ARPC1A: variants seen among roughly 807,000 people sequenced by gnomAD.
ARPC1A encodes actin related protein 2/3 complex subunit 1A, also known as actin-related protein 2/3 complex subunit 1A.
A neutral mutation model predicts 46.9 loss-of-function variants in ARPC1A; 8 were observed. That is an observed-to-expected ratio of 0.17 (90% CI 0.10 to 0.31). ARPC1A has a LOEUF of 0.31. ARPC1A is among the 10% of genes least tolerant of loss of function. The pLI is 1.00. For missense variants in ARPC1A, 286 were observed against 483.6 expected (o/e 0.59, Z 3.83); for synonymous variants, 152 against 169.0 (o/e 0.90, Z 0.78).
chr7:99,335,537 A>G (rs1377616676), intron 2 of ARPC1A: 1 of 301,734 alleles, frequency 3.3e-6, no homozygotes, highest in Non-Finnish European at 6.6e-6. Context: ...TTTCAAGATT[A>G]TTTTGGTTAT....
chr7:99,344,242 A>T (rs769866952), intron 3 of ARPC1A, 51 bp from the exon 4 acceptor site: 1 of 1,577,394 alleles, frequency 6.3e-7, no homozygotes, highest in South Asian at 1.1e-5. Context: ...CCTGTGCCGC[A>T]GTTGTTTGTC....
At chr7:99,353,590 G>A (rs1299716966) in intron 5 of ARPC1A, among the ~76,000 whole-genome samples, 1 of 151,990 alleles carries the variant, frequency 6.6e-6, no homozygotes, top group Non-Finnish European at 1.5e-5. Context: ...CGATTCTCCT[G>A]ACTCAGCCTC....
chr7:99,336,954 T>C (rs995734988), intron 2 of ARPC1A, among the ~76,000 whole-genome samples: 1 of 151,732 alleles, frequency 6.6e-6, no homozygotes, highest in South Asian at 2.1e-4. Context: ...AGACCCTGTC[T>C]CTACTAAAAA....
rs190034667 is a variant in ARPC1A, at chr7:99,349,764, C to T, written c.500+805C>T. Among the ~76,000 whole-genome samples the T allele has an allele frequency of 2.5e-4, 38 of 151,980 alleles. No homozygotes were observed. The East Asian group carries it at 7.0e-3, about 28-fold the overall frequency. On this transcript the variant is annotated intron_variant, in intron 5 of 9. Coordinates refer to ENST00000262942, the MANE Select transcript of ARPC1A (RefSeq NM_006409.4). Reference sequence around the variant, plus strand: ...CTGAGGCAGGAGAATGGTGTGAACTCGGGAGGCGGAGCTTGCAGTGAGCCG... The same window carrying T: ...CTGAGGCAGGAGAATGGTGTGAACTTGGGAGGCGGAGCTTGCAGTGAGCCG...
intron 8 of ARPC1A, 94 bp downstream of exon 8, chr7:99,359,832 C>A: frequency 1.4e-6 from 2 of 1,380,106 alleles, no homozygotes; most frequent in African/African-American, 1.4e-5. Context: ...CTCTATGCCC[C>A]TCAGGCCCAG....
chr7:99,349,135 C>T (rs532761794), intron 5 of ARPC1A, among the ~76,000 whole-genome samples, 176 bp downstream of exon 5: 3 of 152,266 alleles, frequency 2.0e-5, no homozygotes, highest in African/African-American at 7.2e-5. Context: ...ACTGCAGCCT[C>T]CAATTCCTGG....
rs534255332 is a variant in ARPC1A at position 99,333,236 on chromosome 7, G to A, written c.-29-89G>A. The A allele has an allele frequency of 7.1e-4, 583 of 819,774 alleles. 1 individual carries two copies. The African/African-American group carries it at 7.3e-3, about 10-fold the overall frequency. 50.8% of individuals were successfully genotyped at this position (819,774 alleles called of 1,614,324 possible). A position where few individuals can be genotyped will look rare whatever the true frequency, so the allele number is the denominator to read the frequency against. On this transcript the variant is annotated intron_variant, in intron 1 of 9. Coordinates refer to ENST00000262942, the MANE Select transcript of ARPC1A (RefSeq NM_006409.4). ...GGAGGACAATGTTTTATTTATTTCC[G>A]AACATCTTAAGATCCTCAGGCAACT... is the stretch of plus-strand genomic sequence containing the variant.
At chr7:99,326,232 G>T (rs944629385) in intron 1 of ARPC1A, among the ~76,000 whole-genome samples, 10 of 152,178 alleles carry the variant, frequency 6.6e-5, no homozygotes, top group Non-Finnish European at 1.5e-5. Flanking sequence ...CGCCTCCGAT[G>T]CCCGAATTAA....
chr7:99,358,804 T>G (rs946294918), intron 7 of ARPC1A: 2 of 173,188 alleles, frequency 1.2e-5, no homozygotes, highest in Admixed American at 1.2e-4. Flanking sequence ...CCTCCCAAAG[T>G]GCGGGCATGA....
chr7:99,349,904 G>A (rs1331906034), intron 5 of ARPC1A, among the ~76,000 whole-genome samples: 2 of 151,964 alleles, frequency 1.3e-5, no homozygotes, highest in Non-Finnish European at 2.9e-5. Context: ...CCAGCTACTT[G>A]GGAGGCTAGG....
At chr7:99,350,631 CTTTTTTT>C (rs540737612) in intron 5 of ARPC1A, among the ~76,000 whole-genome samples, 2 of 67,536 alleles carry the variant, frequency 3.0e-5, no homozygotes, top group Non-Finnish European at 6.2e-5. Flanking sequence ...ATGAGGTGCA[CTTTTTTT>C]TTTTTTTTTT....
chr7:99,349,708 C>T (rs1275839730), intron 5 of ARPC1A, among the ~76,000 whole-genome samples: 4 of 152,074 alleles, frequency 2.6e-5, no homozygotes, highest in East Asian at 3.9e-4. Context: ...GGCGTGGTGG[C>T]GGGTGCCTGT....
Position 99,342,630 on chromosome 7 carries a change from C to T in ARPC1A, c.170-1663C>T, listed in dbSNP as rs920354590. On this transcript the variant is annotated intron_variant, in intron 3 of 9. Transcript: ENST00000262942. ...ATAAACATCACTTAGAACACATTCT[C>T]ATATTTTCTTCCCTTCAGTGGTACA... 2.6e-5 allele frequency among the ~76,000 whole-genome samples: 4 copies of T among 151,402 alleles called. No individual in the cohort carries two copies. The South Asian group carries it at 6.2e-4, about 24-fold the overall frequency.
In ARPC1A at chr7:99,354,087, A is replaced by G; in HGVS notation, c.679A>G (p.Thr227Ala). Reference sequence around the variant, plus strand: ...CCTGGCCTGGGTCAGCCACGACAGCACCGTGTCTGTTGCTGATGCCTCAAA... The same window carrying G: ...CCTGGCCTGGGTCAGCCACGACAGCGCCGTGTCTGTTGCTGATGCCTCAAA... ...SRLAWVSHDSTVSVADASKSV... is the reference protein window; with the variant it reads ...SRLAWVSHDSAVSVADASKSV... Residue 227 changes from threonine to alanine, a missense_variant, in exon 6 of 10, where the codon ACC becomes GCC. By Grantham distance (58) the Thr-to-Ala change is moderately conservative. This residue lies in a region of ARPC1A where 182 missense variants were observed against 276.7 expected (regional missense o/e 0.66). Transcript: ENST00000262942. 6.2e-7 allele frequency: 1 copy of G among 1,613,962 alleles called. No individual in the cohort carries two copies. Among genetic ancestry groups the G allele is most frequent in the Non-Finnish European group, 8.5e-7 (1 of 1,179,942 alleles).
At chr7:99,362,489 G>T (rs1793762422) in intron 8 of ARPC1A, among the ~76,000 whole-genome samples, 1 of 144,150 alleles carries the variant, frequency 6.9e-6, no homozygotes, top group Admixed American at 7.0e-5. Flanking sequence ...CCGCCACCAT[G>T]CCTGGCTAAT....
intron 8 of ARPC1A, chr7:99,360,237 G>A (rs1361973925): frequency 1.2e-5 from 2 of 171,510 alleles, no homozygotes; most frequent in Non-Finnish European, 2.5e-5. Context: ...TCATCATGAT[G>A]ACAAAGCTGA....
intron 1 of ARPC1A, among the ~76,000 whole-genome samples, chr7:99,331,712 T>A (rs2150857984): frequency 6.6e-6 from 1 of 152,176 alleles, no homozygotes; most frequent in African/African-American, 2.4e-5. Flanking sequence ...TGAGGCCAGG[T>A]GTTCAAGACC....
rs562986711 is a variant in ARPC1A, at chr7:99,346,577, C to T, written c.392+2062C>T. 3.9e-4 allele frequency among the ~76,000 whole-genome samples: 60 copies of T among 152,266 alleles called. No homozygotes were observed. In the South Asian group the frequency reaches 5.0e-3, roughly 13 times the overall value. On this transcript the variant is annotated intron_variant, in intron 4 of 9. Transcript: ENST00000262942. ...TTAGGGCAGTTTCTCAGCTGTAGAA[C>T]AATTATTTCATATTTCATAGGAGTA... is the stretch of plus-strand genomic sequence containing the variant.
chr7:99,358,759 C>G (rs1399771379), intron 7 of ARPC1A: 1 of 210,730 alleles, frequency 4.7e-6, no homozygotes, highest in Non-Finnish European at 9.6e-6. Flanking sequence ...AGGCCGGTCT[C>G]GAACTCCCAT....
Sources: gnomAD v4.1 joint callset for allele counts (sites outside exome capture counted in the v4.1 genomes callset) on GRCh38, gnomAD v4.1.1 for gene constraint, gnomAD v4.1.1 regional missense constraint, MANE v1.5 for transcripts, NCBI Gene and HGNC (gene_info 2026-07-23, HGNC 2026-07-21) for gene names.